DENND11: variants seen among roughly 807,000 people sequenced by gnomAD.
The protein encoded by DENND11 is DENN domain containing 11, also known as DENN domain-containing protein 11.
A neutral mutation model predicts 49.2 loss-of-function variants in DENND11; 34 were observed. The ratio of observed to expected loss-of-function variants is 0.69; its 90% confidence interval spans 0.53 to 0.92. The LOEUF is 0.92. Among genes scored for constraint, DENND11 ranks in the 40% least tolerant of loss-of-function variants. The pLI is 0.00. For synonymous variants in DENND11, 238 were observed against 230.3 expected (o/e 1.03, Z -0.30); for missense variants, 475 against 581.6 (o/e 0.82, Z 1.88).
intron 1 of DENND11, among the ~76,000 whole-genome samples, chr7:141,699,544 C>A (rs1336208162): frequency 6.6e-6 from 1 of 152,046 alleles, no homozygotes; most frequent in Non-Finnish European, 1.5e-5. Context: ...GCTTTCCCCC[C>A]ACAAAAAAAC....
intron 3 of DENND11, among the ~76,000 whole-genome samples, chr7:141,677,714 G>C (rs1428391181): frequency 1.3e-5 from 2 of 151,558 alleles, no homozygotes; most frequent in African/African-American, 4.9e-5. Context: ...TTCTCGGAGT[G>C]AGGCCTAAAG....
chr7:141,685,463 A>T lies in DENND11; in HGVS notation c.527+15T>A. 1 of 1,613,332 alleles carries T rather than the reference A, an allele frequency of 6.2e-7. No homozygotes were observed. Among genetic ancestry groups the T allele is most frequent in the Middle Eastern group, 1.7e-4 (1 of 6,058 alleles). ...GATCCTGCTGCCTCCCTGCACATGT[A>T]CGGAAGCCACGTACCGAACCTGGTT... On this transcript the variant is annotated intron_variant, in intron 3 of 8. Coordinates refer to ENST00000536163, the MANE Select transcript of DENND11 (RefSeq NM_001080392.2).
chr7:141,687,948 T>C (rs574832121), intron 1 of DENND11, among the ~76,000 whole-genome samples: 17 of 152,024 alleles, frequency 1.1e-4, no homozygotes, highest in Non-Finnish European at 2.5e-4. Context: ...CCAGCTATTT[T>C]TTTTGTATTT....
At chr7:141,695,925 G>A (rs1453789934) in intron 1 of DENND11, among the ~76,000 whole-genome samples, 1 of 152,224 alleles carries the variant, frequency 6.6e-6, no homozygotes, top group Admixed American at 6.5e-5. Flanking sequence ...AATATGCATT[G>A]TGTACATTCA....
intron 4 of DENND11, among the ~76,000 whole-genome samples, chr7:141,673,019 C>T (rs905782138): frequency 2.0e-5 from 3 of 152,170 alleles, no homozygotes; most frequent in African/African-American, 7.2e-5. Context: ...AGCTGACAAA[C>T]ATTTAATCCC....
intron 1 of DENND11, among the ~76,000 whole-genome samples, chr7:141,692,301 G>A (rs1017456159): frequency 6.6e-6 from 1 of 152,132 alleles, no homozygotes; most frequent in Non-Finnish European, 1.5e-5. Flanking sequence ...AGCTTACATG[G>A]AAAGGCAAGA....
At chr7:141,698,017 G>T (rs1334258032) in intron 1 of DENND11, among the ~76,000 whole-genome samples, 1 of 152,154 alleles carries the variant, frequency 6.6e-6, no homozygotes, top group Non-Finnish European at 1.5e-5. Context: ...AGCTGCCCCA[G>T]TACAAACACA....
chr7:141,685,735 G>A, intron 2 of DENND11, 99 bp from the exon 3 acceptor site: 2 of 1,312,694 alleles, frequency 1.5e-6, no homozygotes, highest in Non-Finnish European at 2.1e-6. Flanking sequence ...GGCTGTCAAT[G>A]ACAAAGCTCA....
chr7:141,685,998 G>T (rs1044915643), intron 2 of DENND11, among the ~76,000 whole-genome samples: 18 of 152,206 alleles, frequency 1.2e-4, no homozygotes, highest in African/African-American at 4.3e-4. Flanking sequence ...ATAAACCACA[G>T]TGATTCTTCC....
chr7:141,686,706 G>C (rs750294582), intron 1 of DENND11, 48 bp from the exon 2 acceptor site: 3 of 1,350,476 alleles, frequency 2.2e-6, no homozygotes, highest in Non-Finnish European at 3.1e-6. Context: ...ATCATTCAAA[G>C]AAAATGGGTT....
chr7:141,677,000 T>A (rs554054090), intron 3 of DENND11, among the ~76,000 whole-genome samples: 1 of 152,290 alleles, frequency 6.6e-6, no homozygotes, highest in South Asian at 2.1e-4. Flanking sequence ...AACACAGCCA[T>A]ATGTGGCCAT....
At chr7:141,683,538 G>A (rs1265758014) in intron 3 of DENND11, among the ~76,000 whole-genome samples, 1 of 152,202 alleles carries the variant, frequency 6.6e-6, no homozygotes, top group Non-Finnish European at 1.5e-5. Flanking sequence ...AGCTACTCAG[G>A]AGGCTGAGGC....
chr7:141,682,692 C>A (rs1166739343), intron 3 of DENND11, among the ~76,000 whole-genome samples: 1 of 152,152 alleles, frequency 6.6e-6, no homozygotes, highest in Non-Finnish European at 1.5e-5. Flanking sequence ...CCAACTTGAC[C>A]ACCTGCCTAC....
At chr7:141,676,628 C>T (rs1295578901) in intron 3 of DENND11, among the ~76,000 whole-genome samples, 1 of 152,140 alleles carries the variant, frequency 6.6e-6, no homozygotes, top group East Asian at 1.9e-4. Flanking sequence ...TAAGCAACTG[C>T]TGTATGAAAG....
At chr7:141,662,874 A>G (rs1797822451) in intron 8 of DENND11, 23 bp from the exon 9 acceptor site, 1 of 1,502,090 alleles carries the variant, frequency 6.7e-7, no homozygotes, top group Non-Finnish European at 8.9e-7. Context: ...GACAAGACAC[A>G]GGAAAGGAAG....
At chr7:141,668,941 C>A (rs1274050353) in intron 4 of DENND11, among the ~76,000 whole-genome samples, 1 of 152,216 alleles carries the variant, frequency 6.6e-6, no homozygotes, top group African/African-American at 2.4e-5. Flanking sequence ...CCTTTCAAGT[C>A]CATACTCCAT....
chr7:141,664,827 A>G, intron 7 of DENND11, 77 bp downstream of exon 7: 2 of 1,445,964 alleles, frequency 1.4e-6, no homozygotes, highest in Non-Finnish European at 1.9e-6. Flanking sequence ...GGCAGAAGAC[A>G]GGCTTTGCAG....
At chr7:141,676,969 C>T (rs1587216075) in intron 3 of DENND11, among the ~76,000 whole-genome samples, 1 of 152,158 alleles carries the variant, frequency 6.6e-6, no homozygotes, top group East Asian at 1.9e-4. Context: ...CTCCTTAAGC[C>T]CACAGCTCCT....
In DENND11 at chr7:141,664,951, C is replaced by T. The variant is rs1308285885; in HGVS notation, c.1056G>A (p.Lys352=). 1 of 1,613,596 alleles carries T rather than the reference C, an allele frequency of 6.2e-7. No individual in the cohort carries two copies. The highest frequency in any genetic ancestry group is 8.5e-7 in the Non-Finnish European group (1 of 1,179,708). Residue 352 remains lysine, a synonymous_variant, in exon 7 of 9, where the codon AAG becomes AAA. Coordinates refer to ENST00000536163, the MANE Select transcript of DENND11 (RefSeq NM_001080392.2). The part of the protein sequence containing the change: ...THHDHLQPLL[K]INSADREKYR... ...ACTTCTCCCTGTCAGCACTGTTGAT[C>T]TTCAGCAGCGGCTGCAGGTGGTCGT...
Sources: allele counts gnomAD v4.1 joint callset (sites outside exome capture counted in the v4.1 genomes callset), GRCh38; gene constraint gnomAD v4.1.1; transcripts MANE v1.5; gene names NCBI Gene and HGNC (gene_info 2026-07-23, HGNC 2026-07-21).